Variants in UBE4B observed in about 807,000 individuals in gnomAD.
The protein encoded by UBE4B is ubiquitin conjugation factor E4 B.
A neutral mutation model predicts 148.1 loss-of-function variants in UBE4B; 27 were observed. That is an observed-to-expected ratio of 0.18 (90% CI 0.13 to 0.25). The LOEUF (loss-of-function observed/expected upper bound fraction) is 0.25, where lower values mean the gene tolerates loss of function less well. UBE4B is among the 10% of genes least tolerant of loss of function. The probability of loss-of-function intolerance (pLI) is 1.00; values close to 1 mark genes in which losing one functional copy is unlikely to be tolerated. For missense variants in UBE4B, 1,170 were observed against 1,662.4 expected (o/e 0.70, Z 5.15); for synonymous variants, 596 against 619.3 (o/e 0.96, Z 0.56).
At chr1:10,053,249 C>T (rs980586954) in intron 1 of UBE4B, among the ~76,000 whole-genome samples, 10 of 147,940 alleles carry the variant, frequency 6.8e-5, no homozygotes, top group African/African-American at 2.3e-4. Flanking sequence ...CCCAGGTTCA[C>T]GCCATTCTCC....
chr1:10,143,780 A>G (rs930037581), intron 17 of UBE4B, among the ~76,000 whole-genome samples: 2 of 152,220 alleles, frequency 1.3e-5, no homozygotes, highest in African/African-American at 2.4e-5. Context: ...TGGCTATAAT[A>G]GAAGATTCCC....
chr1:10,175,035 C>G (rs937343358), intron 25 of UBE4B, among the ~76,000 whole-genome samples: 5 of 152,176 alleles, frequency 3.3e-5, no homozygotes, highest in African/African-American at 4.8e-5. Flanking sequence ...GGTAAAGAAA[C>G]TGAGAGGCTT....
intron 5 of UBE4B, among the ~76,000 whole-genome samples, chr1:10,104,488 G>A (rs953213668): frequency 5.9e-5 from 9 of 152,098 alleles, no homozygotes; most frequent in African/African-American, 9.7e-5. Context: ...TCCCTCAATA[G>A]ATAGATTTTA....
intron 4 of UBE4B, among the ~76,000 whole-genome samples, 171 bp from the exon 5 acceptor site, chr1:10,102,777 T>C (rs1645037107): frequency 6.6e-6 from 1 of 152,178 alleles, no homozygotes; most frequent in Non-Finnish European, 1.5e-5. Flanking sequence ...GTTGTAACTT[T>C]GATGTTATAG....
chr1:10,162,275 G>C (rs1185978833), intron 23 of UBE4B, among the ~76,000 whole-genome samples: 1 of 152,194 alleles, frequency 6.6e-6, no homozygotes, highest in Non-Finnish European at 1.5e-5. Context: ...CTGGGTACAA[G>C]TGATTCTCCT....
intron 5 of UBE4B, among the ~76,000 whole-genome samples, chr1:10,104,347 AG>A (rs1474108582): frequency 6.6e-6 from 1 of 152,188 alleles, no homozygotes; most frequent in Non-Finnish European, 1.5e-5. Context: ...TTTGGAACGC[AG>A]AAGAGGTATG....
At chr1:10,129,205 C>T in intron 11 of UBE4B, 187 bp from the exon 12 acceptor site, 1 of 490,294 alleles carries the variant, frequency 2.0e-6, no homozygotes, top group Non-Finnish European at 3.7e-6. Flanking sequence ...TTCAAGTTTT[C>T]ACATTGCATG....
At chr1:10,051,021 G>A (rs1409262767) in intron 1 of UBE4B, among the ~76,000 whole-genome samples, 1 of 151,924 alleles carries the variant, frequency 6.6e-6, no homozygotes, top group Non-Finnish European at 1.5e-5. Flanking sequence ...TTTGCTTTTT[G>A]TTTTGAGACA....
intron 17 of UBE4B, among the ~76,000 whole-genome samples, chr1:10,141,111 C>T (rs921625931): frequency 2.0e-5 from 3 of 152,144 alleles, no homozygotes; most frequent in African/African-American, 4.8e-5. Flanking sequence ...CATACATAAT[C>T]CTACATAACC....
intron 2 of UBE4B, among the ~76,000 whole-genome samples, chr1:10,088,327 C>T (rs1355078893): frequency 6.6e-6 from 1 of 152,046 alleles, no homozygotes; most frequent in Non-Finnish European, 1.5e-5. Flanking sequence ...TTTAAGATAC[C>T]ATTGTTGTTC....
chr1:10,155,892 T>G (rs1435987294), intron 21 of UBE4B, among the ~76,000 whole-genome samples: 1 of 151,886 alleles, frequency 6.6e-6, no homozygotes, highest in African/African-American at 2.4e-5. Flanking sequence ...GGTGTGGTGG[T>G]GGGGGCCTGT....
intron 23 of UBE4B, among the ~76,000 whole-genome samples, chr1:10,162,676 A>C (rs911799600): frequency 1.3e-5 from 2 of 148,564 alleles, no homozygotes; most frequent in African/African-American, 5.0e-5. Context: ...GTACATGTGC[A>C]GGTTTGTTAC....
intron 10 of UBE4B, 83 bp downstream of exon 10, chr1:10,122,159 T>C: frequency 1.1e-6 from 1 of 938,354 alleles, no homozygotes; most frequent in South Asian, 1.7e-5. Flanking sequence ...TGAAAACTTT[T>C]GCCTGAATTC....
rs542077452 is a variant in UBE4B, at chr1:10,173,580, G to A, written c.3525+2251G>A. ...TACTGCACTGATTTAGAAACAGAAAGCAAGTCATAGCCTGCAGTGAGGGAA... is the reference window on the plus strand; with the variant it reads ...TACTGCACTGATTTAGAAACAGAAAACAAGTCATAGCCTGCAGTGAGGGAA... On this transcript the variant is annotated intron_variant, in intron 25 of 27. Transcript: ENST00000343090. 5.9e-5 allele frequency among the ~76,000 whole-genome samples: 9 copies of A among 152,086 alleles called. No homozygotes were observed. In the South Asian group the frequency reaches 1.9e-3, roughly 32 times the overall value.
At position 10,165,326 on chromosome 1, in the gene UBE4B, C is replaced by G. The variant is rs138412948; in HGVS notation, c.3199-2810C>G. 6.6e-5 allele frequency among the ~76,000 whole-genome samples: 10 copies of G among 152,232 alleles called. 1 individual carries two copies. In the South Asian group the frequency reaches 1.0e-3, roughly 16 times the overall value. Reference sequence around the variant, plus strand: ...CTCAGCAAATGCCTCTAAGCTCTGTCTTAAAATATATCCATTATCTGACCT... The same window carrying G: ...CTCAGCAAATGCCTCTAAGCTCTGTGTTAAAATATATCCATTATCTGACCT... On this transcript the variant is annotated intron_variant, in intron 23 of 27. Coordinates refer to ENST00000343090, the MANE Select transcript of UBE4B (RefSeq NM_001105562.3).
In UBE4B at chr1:10,161,314, A is replaced by G; in HGVS notation, c.3198+28A>G. Reference sequence around the variant, plus strand: ...GAGGACGTGGTCCAGAGGCTTGGACAGCTTTGCAGGCCATCTGCCTCCACA... The same window carrying G: ...GAGGACGTGGTCCAGAGGCTTGGACGGCTTTGCAGGCCATCTGCCTCCACA... On this transcript the variant is annotated intron_variant, in intron 23 of 27. Coordinates refer to ENST00000343090, the MANE Select transcript of UBE4B (RefSeq NM_001105562.3). The surrounding 1 kb of genome is among the most constrained non-coding windows in gnomAD (Gnocchi z 4.1). The G allele has an allele frequency of 1.9e-6, 3 of 1,605,402 alleles. No individual in the cohort carries two copies. The highest frequency in any genetic ancestry group is 8.5e-7 in the Non-Finnish European group (1 of 1,174,068).
intron 4 of UBE4B, among the ~76,000 whole-genome samples, chr1:10,101,845 T>C (rs926617970): frequency 6.6e-6 from 1 of 152,132 alleles, no homozygotes; most frequent in Non-Finnish European, 1.5e-5. Flanking sequence ...ATCACATCTT[T>C]AGCAGTATTC....
rs764089127 is a variant in UBE4B, at chr1:10,161,999, C to CTTTTTTTTTTTTTTTTTTTTTTTTT, written c.3198+729_3198+730insTTTTTTTTTTTTTTTTTTTTTTTTT. On this transcript the variant is annotated intron_variant, in intron 23 of 27. Coordinates refer to ENST00000343090, the MANE Select transcript of UBE4B (RefSeq NM_001105562.3). The surrounding 1 kb of genome is among the most constrained non-coding windows in gnomAD (Gnocchi z 4.1). ...GGGGACTGCTTTTTCTTCACTTTTT[C>CTTTTTTTTTTTTTTTTTTTTTTTTT]TTTTTTTTTTTTTTTTGAGACGGAG... Among the ~76,000 whole-genome samples the CTTTTTTTTTTTTTTTTTTTTTTTTT allele has an allele frequency of 4.9e-4, 67 of 137,232 alleles. 1 individual carries two copies. The highest frequency in any genetic ancestry group is 1.7e-3 in the African/African-American group (65 of 37,476). The allele number at this position is 137,232 out of a possible 152,430, so 90.0% of individuals were successfully genotyped here.
chr1:10,064,503 C>G (rs1055643375), intron 1 of UBE4B, among the ~76,000 whole-genome samples: 6 of 152,126 alleles, frequency 3.9e-5, no homozygotes, highest in African/African-American at 1.4e-4. Context: ...CTTTCTGAAC[C>G]TAGGGATAGA....
Sources: gnomAD v4.1 joint callset for allele counts (sites outside exome capture counted in the v4.1 genomes callset) on GRCh38, gnomAD v4.1.1 for gene constraint, Gnocchi (gnomAD v3.1) non-coding constraint, MANE v1.5 for transcripts, NCBI Gene and HGNC (gene_info 2026-07-23, HGNC 2026-07-21) for gene names.